The following INPP4B variants were observed in gnomAD, a reference collection of about 807,000 sequenced individuals.
INPP4B encodes inositol polyphosphate-4-phosphatase type II B.
INPP4B carries 55 observed loss-of-function variants against 122.5 expected under a neutral mutation model. The observed-to-expected ratio is 0.45, with a 90% confidence interval of 0.36 to 0.56. The LOEUF (loss-of-function observed/expected upper bound fraction) is 0.56. Among genes scored for constraint, INPP4B ranks in the 20% least tolerant of loss-of-function variants. INPP4B has a pLI of 0.00. For synonymous variants in INPP4B, 403 were observed against 388.7 expected, an observed-to-expected ratio of 1.04 and a Z score of -0.43; for missense variants, 1,000 against 1,097.7, an observed-to-expected ratio of 0.91 and a Z score of 1.26.
At chr4:142,243,039 A>G (rs1860282875) in intron 11 of INPP4B, among the ~76,000 whole-genome samples, 1 of 152,210 alleles carries the variant, frequency 6.6e-6, no homozygotes, top group African/African-American at 2.4e-5. Context: ...TGAAGAGAGC[A>G]GGTACACCAC....
intron 1 of INPP4B, among the ~76,000 whole-genome samples, chr4:142,794,805 C>T (rs1201413162): frequency 2.0e-5 from 3 of 151,360 alleles, no homozygotes; most frequent in Admixed American, 6.6e-5. Context: ...ATAAAAAAAC[C>T]CCAAAATTTG....
intron 21 of INPP4B, 60 bp from the exon 22 acceptor site, chr4:142,112,742 A>G (rs1017058778): frequency 4.6e-6 from 7 of 1,513,746 alleles, no homozygotes; most frequent in Middle Eastern, 1.8e-4. Context: ...GTTATTTTAG[A>G]TTTATTGGAA....
intron 5 of INPP4B, among the ~76,000 whole-genome samples, chr4:142,413,227 C>T (rs1475260015): frequency 6.6e-6 from 1 of 151,934 alleles, no homozygotes; most frequent in Non-Finnish European, 1.5e-5. Context: ...ATTAATGTCC[C>T]AAATTCAAAG....
chr4:142,219,211 T>C (rs561257747), intron 12 of INPP4B, among the ~76,000 whole-genome samples: 2 of 152,308 alleles, frequency 1.3e-5, no homozygotes, highest in Non-Finnish European at 2.9e-5. Flanking sequence ...TCAAGTTATA[T>C]ACAAAGACTG....
chr4:142,185,885 T>TAAAAAAAAA (rs10632593), intron 15 of INPP4B, among the ~76,000 whole-genome samples: 26 of 129,816 alleles, frequency 2.0e-4, no homozygotes, highest in South Asian at 2.5e-4. Context: ...TCTCAAAACA[T>TAAAAAAAAA]AAAAAAAAAA....
At chr4:142,424,883 T>C (rs534120476) in intron 5 of INPP4B, among the ~76,000 whole-genome samples, 1 of 152,136 alleles carries the variant, frequency 6.6e-6, no homozygotes, top group East Asian at 1.9e-4. Context: ...TGTTTCCACA[T>C]TGCCTATTAT....
chr4:142,308,325 G>C (rs925868896), intron 8 of INPP4B, among the ~76,000 whole-genome samples: 2 of 152,218 alleles, frequency 1.3e-5, no homozygotes, highest in Non-Finnish European at 2.9e-5. Flanking sequence ...TGTCAGACAA[G>C]AGGAGTTATT....
At chr4:142,524,027 T>C (rs879451397) in intron 2 of INPP4B, among the ~76,000 whole-genome samples, 1 of 150,542 alleles carries the variant, frequency 6.6e-6, no homozygotes, top group African/African-American at 2.4e-5. Context: ...ATGGTGTATA[T>C]GTGCCACATT....
intron 1 of INPP4B, among the ~76,000 whole-genome samples, chr4:142,736,426 G>A (rs1273635944): frequency 6.6e-6 from 1 of 152,066 alleles, no homozygotes; most frequent in Non-Finnish European, 1.5e-5. Flanking sequence ...ATTTTCATGA[G>A]TTAATTATTG....
At chr4:142,520,246 A>G (rs1825911360) in intron 2 of INPP4B, among the ~76,000 whole-genome samples, 2 of 152,026 alleles carry the variant, frequency 1.3e-5, no homozygotes, top group African/African-American at 4.8e-5. Context: ...TACCAAATAC[A>G]AAATGGTATA....
chr4:142,254,459 A>C (rs2150264237), intron 11 of INPP4B, among the ~76,000 whole-genome samples: 1 of 152,032 alleles, frequency 6.6e-6, no homozygotes. Context: ...ACTTTGAAAA[A>C]AATTTAGAAG....
At chr4:142,559,935 C>T (rs145856154) in intron 2 of INPP4B, among the ~76,000 whole-genome samples, 6 of 152,228 alleles carry the variant, frequency 3.9e-5, no homozygotes, top group South Asian at 2.1e-4. Context: ...TAAAAATCTA[C>T]GATAAGAATA....
At chr4:142,464,215 C>T (rs972607954) in intron 2 of INPP4B, among the ~76,000 whole-genome samples, 1 of 151,986 alleles carries the variant, frequency 6.6e-6, no homozygotes, top group Non-Finnish European at 1.5e-5. Context: ...AAAAATGTTA[C>T]CTGGTTCTTT....
chr4:142,273,835 A>G (rs1388512021), intron 9 of INPP4B, among the ~76,000 whole-genome samples: 1 of 151,906 alleles, frequency 6.6e-6, no homozygotes, highest in Non-Finnish European at 1.5e-5. Context: ...TGGAAAAAAC[A>G]GAATGGTAAA....
At chr4:142,487,106 G>A (rs996370749) in intron 2 of INPP4B, among the ~76,000 whole-genome samples, 1 of 152,142 alleles carries the variant, frequency 6.6e-6, no homozygotes, top group Non-Finnish European at 1.5e-5. Flanking sequence ...AGTCTCATGA[G>A]ATCTGATGGT....
intron 11 of INPP4B, among the ~76,000 whole-genome samples, chr4:142,252,591 T>G (rs531333316): frequency 6.6e-6 from 1 of 152,242 alleles, no homozygotes; most frequent in South Asian, 2.1e-4. Flanking sequence ...AACAGTACTA[T>G]ATGTCTCAAT....
At chr4:142,749,271 TATA>T (rs975693882) in intron 1 of INPP4B, among the ~76,000 whole-genome samples, 1 of 147,120 alleles carries the variant, frequency 6.8e-6, no homozygotes, top group African/African-American at 2.5e-5. Context: ...ATATATATTA[TATA>T]ATGTCTTACC....
chr4:142,093,011 A>T (rs6537101), intron 23 of INPP4B, among the ~76,000 whole-genome samples: 1 of 151,856 alleles, frequency 6.6e-6, no homozygotes, highest in Non-Finnish European at 1.5e-5. Flanking sequence ...AGAAGTAATG[A>T]TCTGTGGCTT....
At chr4:142,644,306 AAGGAGGAGG>A (rs550299121) in intron 2 of INPP4B, among the ~76,000 whole-genome samples, 2 of 148,976 alleles carry the variant, frequency 1.3e-5, no homozygotes, top group Non-Finnish European at 3.0e-5. Context: ...AGAGGAGGAG[AAGGAGGAGG>A]AGGAGGAGGG....
Sources: gnomAD v4.1 joint callset for allele counts (sites outside exome capture counted in the v4.1 genomes callset) on GRCh38, gnomAD v4.1.1 for gene constraint, MANE v1.5 for transcripts, NCBI Gene and HGNC (gene_info 2026-07-23, HGNC 2026-07-21) for gene names.